Variants in HS3ST1 observed in about 807,000 individuals in gnomAD.
The protein encoded by HS3ST1 is heparan sulfate-glucosamine 3-sulfotransferase 1, also known as heparan sulfate glucosamine 3-O-sulfotransferase 1.
In HS3ST1, 8 loss-of-function variants were observed where a neutral mutation model predicts 20.7. The ratio of observed to expected loss-of-function variants is 0.39; its 90% CI spans 0.23 to 0.70. HS3ST1 has a LOEUF of 0.70. Ranked by LOEUF, HS3ST1 falls within the 30% of genes least tolerant of loss-of-function variation. HS3ST1 has a pLI of 0.46. For missense variants in HS3ST1, 436 were observed against 423.4 expected, an observed-to-expected ratio of 1.03 and a Z score of -0.26; for synonymous variants, 205 against 190.4, an observed-to-expected ratio of 1.08 and a Z score of -0.63.
intron 1 of HS3ST1, among the ~76,000 whole-genome samples, chr4:11,419,026 G>C (rs1397229611): frequency 6.6e-6 from 1 of 152,008 alleles, no homozygotes; most frequent in Non-Finnish European, 1.5e-5. Context: ...GGCTGCGTTG[G>C]GGTTTACTCA....
intron 1 of HS3ST1, among the ~76,000 whole-genome samples, chr4:11,407,599 C>T (rs1461390011): frequency 1.3e-5 from 2 of 152,060 alleles, no homozygotes; most frequent in East Asian, 1.9e-4. Flanking sequence ...GGTCTGAAGT[C>T]AACCCACACA....
intron 1 of HS3ST1, among the ~76,000 whole-genome samples, chr4:11,405,416 G>C (rs1014942790): frequency 6.6e-6 from 1 of 152,270 alleles, no homozygotes; most frequent in Middle Eastern, 3.4e-3. Flanking sequence ...CTTCCAGATG[G>C]AGGCTTCCCT....
intron 1 of HS3ST1, among the ~76,000 whole-genome samples, chr4:11,415,585 C>T (rs942101421): frequency 8.5e-5 from 13 of 152,254 alleles, no homozygotes; most frequent in African/African-American, 3.1e-4. Context: ...AAAGAAACAA[C>T]ATTCTGAAAA....
In HS3ST1 at chr4:11,398,827, A is replaced by G. The variant is rs746145633; in HGVS notation, c.*255T>C. The G allele has an allele frequency of 2.6e-5, 8 of 312,382 alleles. No homozygotes were observed. Among genetic ancestry groups the G allele is most frequent in the Non-Finnish European group, 4.0e-5 (7 of 174,116 alleles). 19.4% of individuals were successfully genotyped at this position (312,382 alleles called of 1,614,324 possible). A position where few individuals can be genotyped will look rare whatever the true frequency, so the allele number is the denominator to read the frequency against. ...AAATCTTTTTTTTTTTTTCAGTGAAATAGTTTAGTTCCTTCATATAGAGAC... is the reference window on the plus strand; with the variant it reads ...AAATCTTTTTTTTTTTTTCAGTGAAGTAGTTTAGTTCCTTCATATAGAGAC... On this transcript the variant is annotated 3_prime_UTR_variant, in exon 2 of 2. Coordinates refer to ENST00000002596, the MANE Select transcript of HS3ST1 (RefSeq NM_005114.4).
upstream of HS3ST1, among the ~76,000 whole-genome samples, chr4:11,433,769 A>G (rs555289373): frequency 6.6e-6 from 1 of 152,370 alleles, no homozygotes; most frequent in South Asian, 2.1e-4. Context: ...TGCTAGGTAC[A>G]TGGGTAGAGA....
rs1718113998 is a variant in HS3ST1 at position 11,395,560 on chromosome 4, C to T, written c.*3522G>A. ...TGGCATCATCTCGGCCCCCTGCAAC[C>T]TCCACCTGCCAGGTTCAAGTGGTTC... On this transcript the variant is annotated 3_prime_UTR_variant, in exon 2 of 2. Coordinates refer to ENST00000002596, the MANE Select transcript of HS3ST1 (RefSeq NM_005114.4). 2 of 146,486 alleles carry T rather than the reference C, an allele frequency of 1.4e-5. No individual in the cohort carries two copies. Among genetic ancestry groups the T allele is most frequent in the South Asian group, 4.3e-4 (2 of 4,628 alleles). The allele number at this position is 146,486 out of a possible 1,614,324, so 9.1% of individuals were successfully genotyped here.
At chr4:11,410,996 C>T (rs1297936027) in intron 1 of HS3ST1, among the ~76,000 whole-genome samples, 1 of 152,208 alleles carries the variant, frequency 6.6e-6, no homozygotes, top group East Asian at 1.9e-4. Context: ...AGTGTCACTT[C>T]ACTATGTACA....
chr4:11,400,090 A>T lies in HS3ST1; in HGVS notation c.-85T>A, dbSNP rs1052024406. On this transcript the variant is annotated 5_prime_UTR_variant, in exon 2 of 2. An upstream start codon of the reference 5' UTR is lost. Coordinates refer to ENST00000002596, the MANE Select transcript of HS3ST1 (RefSeq NM_005114.4). Reference sequence around the variant, plus strand: ...AGGGAAGCCTCCTAGTCAGTGGCACATGGGCGTTTCAGGCCTTCAATTACT... The same window carrying T: ...AGGGAAGCCTCCTAGTCAGTGGCACTTGGGCGTTTCAGGCCTTCAATTACT... The T allele has an allele frequency of 2.7e-5, 38 of 1,429,452 alleles. No individual in the cohort carries two copies. Among genetic ancestry groups the T allele is most frequent in the Non-Finnish European group, 3.5e-5 (38 of 1,095,658 alleles). The allele number at this position is 1,429,452 out of a possible 1,614,324, so 88.5% of individuals were successfully genotyped here. A position where few individuals can be genotyped will look rare whatever the true frequency, so the allele number is the denominator to read the frequency against.
At position 11,399,083 on chromosome 4, in the gene HS3ST1, C is replaced by T; in HGVS notation, c.923G>A (p.Ter308=). ...TTTCTGAGCTTAGCTTATTGCAAAT[C>T]AGTGCCAGTCAAATGTTCTGCCAAC... is the stretch of plus-strand genomic sequence containing the variant. ...ELVGRTFDWH[*] The change falls in exon 2 of 2, where the codon TGA becomes TAA. Residue 308 remains the stop codon, a stop_retained_variant. Coordinates refer to ENST00000002596, the MANE Select transcript of HS3ST1 (RefSeq NM_005114.4). This position sits in a 1 kb window ranked among gnomAD's most constrained non-coding sequence, Gnocchi z 5.1. 6 of 1,607,762 alleles carry T rather than the reference C, an allele frequency of 3.7e-6. No individual in the cohort carries two copies. The highest frequency in any genetic ancestry group is 5.1e-6 in the Non-Finnish European group (6 of 1,175,244).
rs766836183 is a variant in HS3ST1 at position 11,399,350 on chromosome 4, C to T, written c.656G>A (p.Arg219His). ...LRHIHIVDGDRLIRDPFPEIQ... is the reference protein window; with the variant it reads ...LRHIHIVDGDHLIRDPFPEIQ... ...CTCAGGGAAGGGGTCCCTGATGAGG[C>T]GGTCGCCGTCCACAATGTGGATGTG... The change falls in exon 2 of 2, where the codon CGC (arginine) becomes CAC (histidine). Residue 219 changes from arginine to histidine, a missense_variant. Coordinates refer to ENST00000002596, the MANE Select transcript of HS3ST1 (RefSeq NM_005114.4). This position sits in a 1 kb window ranked among gnomAD's most constrained non-coding sequence, Gnocchi z 5.1. 49 of 1,613,852 alleles carry T rather than the reference C, an allele frequency of 3.0e-5. No homozygotes were observed. The highest frequency in any genetic ancestry group is 3.9e-5 in the Non-Finnish European group (46 of 1,180,018).
At chr4:11,426,782 A>G (rs1719072234) in intron 1 of HS3ST1, among the ~76,000 whole-genome samples, 1 of 152,124 alleles carries the variant, frequency 6.6e-6, no homozygotes, top group Non-Finnish European at 1.5e-5. Context: ...ACCTGGAAAG[A>G]CTCTTTTAGA....
At position 11,399,997 on chromosome 4, in the gene HS3ST1, C is replaced by A; in HGVS notation, c.9G>T (p.Ala3=). ...CCAGCAGCACCGCGCCCAGGAGCAG[C>A]GCGGCCATGCTGGACACCACGGTGG... The part of the protein sequence containing the change: MA[A]LLLGAVLLVA... The change falls in exon 2 of 2, where the codon GCG becomes GCT. Residue 3 remains alanine (A), a synonymous_variant. Coordinates refer to ENST00000002596, the MANE Select transcript of HS3ST1 (RefSeq NM_005114.4). This position sits in a 1 kb window ranked among gnomAD's most constrained non-coding sequence, Gnocchi z 5.1. The A allele has an allele frequency of 6.6e-7, 1 of 1,519,348 alleles. No individual in the cohort carries two copies. Among genetic ancestry groups the A allele is most frequent in the South Asian group, 1.2e-5 (1 of 80,944 alleles). 94.1% of individuals were successfully genotyped at this position (1,519,348 alleles called of 1,614,324 possible). A position where few individuals can be genotyped will look rare whatever the true frequency, so the allele number is the denominator to read the frequency against.
At chr4:11,401,051 A>G (rs1031798208) in intron 1 of HS3ST1, among the ~76,000 whole-genome samples, 9 of 152,168 alleles carry the variant, frequency 5.9e-5, no homozygotes, top group Non-Finnish European at 1.3e-4. Flanking sequence ...GCAAAAGTTA[A>G]TTGACGCAGC....
chr4:11,419,675 T>A (rs1718875786), intron 1 of HS3ST1, among the ~76,000 whole-genome samples: 1 of 152,110 alleles, frequency 6.6e-6, no homozygotes, highest in Admixed American at 6.5e-5. Context: ...AAAGAAAAAG[T>A]AGGGGCCTTC....
upstream of HS3ST1, chr4:11,429,711 A>G (rs1235491755): frequency 7.6e-6 from 1 of 131,440 alleles, no homozygotes; most frequent in Non-Finnish European, 1.5e-5. Context: ...CAGCTCTGAA[A>G]TAAAAAGCAG....
At position 11,399,187 on chromosome 4, in the gene HS3ST1, C is replaced by T. The variant is rs759447246; in HGVS notation, c.819G>A (p.Ala273=). The change falls in exon 2 of 2, where the codon GCG becomes GCA. Residue 273 remains alanine (A), a synonymous_variant. Coordinates refer to ENST00000002596, the MANE Select transcript of HS3ST1 (RefSeq NM_005114.4). The surrounding 1 kb of genome is among the most constrained non-coding windows in gnomAD (Gnocchi z 5.1). Reference sequence around the variant, plus strand: ...GTAGTTTGGGATCGACTTGGGGGTGCGCCCGGCCTTTGGACTCATGTAAGC... The same window carrying T: ...GTAGTTTGGGATCGACTTGGGGGTGTGCCCGGCCTTTGGACTCATGTAAGC... ...DRCLHESKGR[A]HPQVDPKLLN... is the part of the protein sequence containing the mutation. 1.2e-6 allele frequency: 2 copies of T among 1,614,128 alleles called. No individual in the cohort carries two copies.
intron 1 of HS3ST1, among the ~76,000 whole-genome samples, chr4:11,419,112 A>G (rs1289420623): frequency 2.0e-5 from 3 of 151,446 alleles, no homozygotes; most frequent in African/African-American, 4.9e-5. Context: ...TCTGCTTGTC[A>G]TGATTTTTCT....
intron 1 of HS3ST1, among the ~76,000 whole-genome samples, chr4:11,421,614 A>G (rs545807647): frequency 1.1e-4 from 16 of 152,314 alleles, no homozygotes; most frequent in South Asian, 4.1e-4. Context: ...ACATAAAACA[A>G]CCTACCACAG....
intron 1 of HS3ST1, among the ~76,000 whole-genome samples, chr4:11,411,464 A>T (rs749316249): frequency 6.6e-6 from 1 of 152,208 alleles, no homozygotes; most frequent in Non-Finnish European, 1.5e-5. Context: ...AGGTTCTACA[A>T]GTAAATTAGT....
Sources: allele counts gnomAD v4.1 joint callset (sites outside exome capture counted in the v4.1 genomes callset), GRCh38; gene constraint gnomAD v4.1.1; non-coding constraint Gnocchi (gnomAD v3.1); transcripts MANE v1.5; gene names NCBI Gene and HGNC (gene_info 2026-07-23, HGNC 2026-07-21).